POC1B: variants seen among roughly 807,000 people sequenced by gnomAD.
POC1B encodes POC1 centriolar protein B.
Under a neutral mutation model 60.6 loss-of-function variants are expected in POC1B, and 44 were observed. That is an observed-to-expected ratio of 0.73 (90% CI 0.57 to 0.93). POC1B has a LOEUF of 0.93. Among genes scored for constraint, POC1B ranks in the 40% least tolerant of loss-of-function variants. The probability of loss-of-function intolerance (pLI) is 0.00; values close to 1 mark genes in which losing one functional copy is unlikely to be tolerated. For missense variants in POC1B, 555 were observed against 572.3 expected, an observed-to-expected ratio of 0.97 and a Z score of 0.31; for synonymous variants, 180 against 198.9, an observed-to-expected ratio of 0.90 and a Z score of 0.80.
Position 89,459,630 on chromosome 12 carries a change from C to T in POC1B, c.1113+8G>A. 7.3e-7 allele frequency: 1 copy of T among 1,361,618 alleles called. No homozygotes were observed. The highest frequency in any genetic ancestry group is 1.5e-5 in the African/African-American group (1 of 64,522). The allele number at this position is 1,361,618 out of a possible 1,614,324, so 84.3% of individuals were successfully genotyped here. A position where few individuals can be genotyped will look rare whatever the true frequency, so the allele number is the denominator to read the frequency against. Reference sequence around the variant, plus strand: ...AGTGTCAAAAAAAAAAAAAAAAACCCGACTTACTGTGGTAGAATCAAAAGA... The same window carrying T: ...AGTGTCAAAAAAAAAAAAAAAAACCTGACTTACTGTGGTAGAATCAAAAGA... On this transcript the variant is annotated splice_region_variant and intron_variant, in intron 10 of 11. Coordinates refer to ENST00000313546, the MANE Select transcript of POC1B (RefSeq NM_172240.3).
At chr12:89,514,467 G>A (rs969866572) in intron 2 of POC1B, among the ~76,000 whole-genome samples, 5 of 125,858 alleles carry the variant, frequency 4.0e-5, no homozygotes, top group Middle Eastern at 5.8e-3. Flanking sequence ...GGAGTACAGC[G>A]GCATGATCTC....
At chr12:89,459,384 C>T (rs796147406) in intron 10 of POC1B, among the ~76,000 whole-genome samples, 1 of 134,308 alleles carries the variant, frequency 7.4e-6, no homozygotes, top group South Asian at 2.4e-4. Flanking sequence ...ACGTTGTGCA[C>T]ATGTACCCTA....
intron 4 of POC1B, among the ~76,000 whole-genome samples, chr12:89,485,707 T>C (rs1422573715): frequency 2.0e-5 from 3 of 152,154 alleles, no homozygotes; most frequent in East Asian, 1.9e-4. Context: ...ATGTAAAACA[T>C]GCATGCACCA....
intron 3 of POC1B, among the ~76,000 whole-genome samples, chr12:89,496,178 G>A (rs116181825): frequency 0.022 from 3,309 of 152,040 alleles, 124 homozygotes; most frequent in African/African-American, 0.077. Flanking sequence ...CAGATCATCA[G>A]GCATGAGATT....
intron 10 of POC1B, among the ~76,000 whole-genome samples, chr12:89,431,828 C>G (rs1364885497): frequency 6.6e-6 from 1 of 152,142 alleles, no homozygotes; most frequent in Non-Finnish European, 1.5e-5. Context: ...TTGGAGATTG[C>G]AAGTCCAAAA....
the POC1B span, among the ~76,000 whole-genome samples, chr12:89,405,786 C>A: frequency 2.0e-5 from 3 of 151,230 alleles, no homozygotes; most frequent in Non-Finnish European, 1.5e-5. Context: ...GAGACCCTGT[C>A]TCTACAAAAA....
chr12:89,476,495 G>A (rs972556783), intron 4 of POC1B, among the ~76,000 whole-genome samples: 5 of 152,120 alleles, frequency 3.3e-5, no homozygotes, highest in African/African-American at 1.2e-4. Context: ...GATCATTGAG[G>A]CCATCAGTTT....
chr12:89,505,760 C>A (rs1165714921), intron 2 of POC1B, among the ~76,000 whole-genome samples: 3 of 152,204 alleles, frequency 2.0e-5, no homozygotes, highest in Non-Finnish European at 4.4e-5. Flanking sequence ...AAGCAGAAAA[C>A]ATCACTCTAG....
intron 7 of POC1B, among the ~76,000 whole-genome samples, chr12:89,469,461 T>A (rs1882805976): frequency 6.6e-6 from 1 of 152,182 alleles, no homozygotes; most frequent in East Asian, 1.9e-4. Flanking sequence ...GGCTTTTATG[T>A]GTAACACAAA....
chr12:89,402,254 C>T, the POC1B span, among the ~76,000 whole-genome samples: 5 of 151,934 alleles, frequency 3.3e-5, no homozygotes, highest in Non-Finnish European at 7.4e-5. Flanking sequence ...TGCTATTGTC[C>T]TTCTTGAAGT....
intron 4 of POC1B, among the ~76,000 whole-genome samples, chr12:89,475,034 A>G (rs1366855716): frequency 2.0e-5 from 3 of 152,182 alleles, no homozygotes; most frequent in African/African-American, 7.2e-5. Flanking sequence ...GCTGTGAATG[A>G]GACTGGCAAG....
downstream of POC1B, among the ~76,000 whole-genome samples, chr12:89,418,200 T>C (rs1341569467): frequency 2.6e-5 from 4 of 152,092 alleles, no homozygotes; most frequent in Admixed American, 6.5e-5. Context: ...TTTTAAGGCA[T>C]TGATGCCTGA....
chr12:89,442,255 C>T (rs796174451), intron 10 of POC1B, among the ~76,000 whole-genome samples: 56 of 152,062 alleles, frequency 3.7e-4, no homozygotes, highest in African/African-American at 1.2e-3. Context: ...ATACAGAGAA[C>T]GCCACAAAGA....
chr12:89,432,262 C>T (rs184552439), intron 10 of POC1B, among the ~76,000 whole-genome samples: 1 of 151,392 alleles, frequency 6.6e-6, no homozygotes, highest in African/African-American at 2.4e-5. Context: ...GGCATGCACC[C>T]GTAGTCCCAG....
intron 11 of POC1B, among the ~76,000 whole-genome samples, chr12:89,424,853 T>C (rs899635021): frequency 2.6e-5 from 4 of 152,230 alleles, no homozygotes; most frequent in African/African-American, 9.6e-5. Context: ...TAAAAAACTA[T>C]AAACATTAGC....
intron 2 of POC1B, chr12:89,502,687 T>C (rs1869635188): frequency 7.5e-7 from 1 of 1,333,844 alleles, no homozygotes; most frequent in Non-Finnish European, 1.1e-6. Context: ...TGAAGGTATA[T>C]AACACATTGG....
chr12:89,411,678 G>C, the POC1B span, among the ~76,000 whole-genome samples: 1 of 152,112 alleles, frequency 6.6e-6, no homozygotes, highest in Non-Finnish European at 1.5e-5. Flanking sequence ...TTTTCCTCCC[G>C]CCTCAATGTT....
chr12:89,478,041 G>A (rs1883183756), intron 4 of POC1B, among the ~76,000 whole-genome samples: 1 of 152,140 alleles, frequency 6.6e-6, no homozygotes, highest in Non-Finnish European at 1.5e-5. Flanking sequence ...CAGTAGGCTA[G>A]CACCCCAAGA....
At chr12:89,411,972 G>T in the POC1B span, among the ~76,000 whole-genome samples, 2 of 152,184 alleles carry the variant, frequency 1.3e-5, no homozygotes, top group East Asian at 3.8e-4. Context: ...TCTAGGCTTG[G>T]AAAGGCTTCA....
Sources: gnomAD v4.1 joint callset for allele counts (sites outside exome capture counted in the v4.1 genomes callset) on GRCh38, gnomAD v4.1.1 for gene constraint, MANE v1.5 for transcripts, NCBI Gene and HGNC (gene_info 2026-07-23, HGNC 2026-07-21) for gene names.